Variants in FMN2 observed in about 807,000 individuals in gnomAD.
FMN2 encodes formin-2.
FMN2 carries 51 observed loss-of-function variants against 142.3 expected under a neutral mutation model. The ratio of observed to expected loss-of-function variants is 0.36; its 90% CI spans 0.29 to 0.45. The LOEUF is 0.45. Ranked by LOEUF, FMN2 falls within the 20% of genes least tolerant of loss-of-function variation. FMN2 has a pLI of 1.00. For synonymous variants in FMN2, 882 were observed against 869.8 expected, an observed-to-expected ratio of 1.01 and a Z score of -0.25; for missense variants, 1,936 against 2,122.8, an observed-to-expected ratio of 0.91 and a Z score of 1.73.
intron 2 of FMN2, chr1:240,170,950 G>T (rs1664678261): frequency 1.3e-6 from 1 of 787,352 alleles, no homozygotes; most frequent in Non-Finnish European, 2.3e-6. Flanking sequence ...GACTGATGGA[G>T]GAGTGGACTA....
intron 13 of FMN2, among the ~76,000 whole-genome samples, chr1:240,351,898 A>G (rs778526573): frequency 2.0e-5 from 3 of 150,084 alleles, no homozygotes; most frequent in Non-Finnish European, 3.0e-5. Context: ...ATGGATGTGT[A>G]TGATATCATG....
intron 3 of FMN2, 108 bp from the exon 4 acceptor site, chr1:240,188,099 T>C (rs1384472707): frequency 7.0e-6 from 7 of 998,826 alleles, no homozygotes; most frequent in Non-Finnish European, 1.1e-5. Context: ...GGATATTTTT[T>C]GGTACTTATG....
intron 3 of FMN2, among the ~76,000 whole-genome samples, chr1:240,184,457 C>T (rs539220467): frequency 6.7e-6 from 1 of 149,430 alleles, no homozygotes; most frequent in African/African-American, 2.5e-5. Flanking sequence ...ACCTTGTGAT[C>T]TGCCCGCCTC....
At chr1:240,317,831 T>C (rs1670843282) in intron 8 of FMN2, among the ~76,000 whole-genome samples, 1 of 152,218 alleles carries the variant, frequency 6.6e-6, no homozygotes, top group Admixed American at 6.5e-5. Context: ...CAAACTGTTT[T>C]CCAGAATGGT....
intron 16 of FMN2, among the ~76,000 whole-genome samples, chr1:240,440,875 G>C (rs1402866296): frequency 6.6e-6 from 1 of 151,922 alleles, no homozygotes; most frequent in African/African-American, 2.4e-5. Context: ...ACAATTTCTT[G>C]TATAAAAATT....
rs541146765 is a variant in FMN2 at position 240,223,968 on chromosome 1, A to G, written c.4065+12733A>G. The stretch of plus-strand genomic sequence containing the variant: ...CGTTGATTTTTTTGAAGGGCTTTCC[A>G]TGTCTCTATCTCCTTCAGTTCTGCT... On this transcript the variant is annotated intron_variant, in intron 6 of 17. Coordinates refer to ENST00000319653, the MANE Select transcript of FMN2 (RefSeq NM_020066.5). Among the ~76,000 whole-genome samples the G allele has an allele frequency of 3.7e-3, 566 of 152,018 alleles. 5 individuals carry two copies. Among genetic ancestry groups the G allele is most frequent in the African/African-American group, 0.013 (529 of 41,482 alleles).
chr1:240,275,093 T>G (rs1669150458), intron 7 of FMN2, among the ~76,000 whole-genome samples: 1 of 151,274 alleles, frequency 6.6e-6, no homozygotes, highest in African/African-American at 2.4e-5. Context: ...TTTTTTTTTT[T>G]TTGTCTTTTA....
intron 14 of FMN2, among the ~76,000 whole-genome samples, chr1:240,379,042 G>C (rs936142445): frequency 6.6e-6 from 1 of 152,138 alleles, no homozygotes; most frequent in Non-Finnish European, 1.5e-5. Flanking sequence ...ATGTTGTTGG[G>C]TGTGTAGGTT....
chr1:240,113,312 C>T (rs1661887016), intron 1 of FMN2, among the ~76,000 whole-genome samples: 2 of 151,920 alleles, frequency 1.3e-5, no homozygotes, highest in Non-Finnish European at 1.5e-5. Context: ...ACCTGTAATC[C>T]CAGCACTTTG....
In FMN2 at chr1:240,147,653, T is replaced by C. The variant is rs571233900; in HGVS notation, c.1782+24308T>C. ...GAATACAGGTGTGAGCCATTGCACC[T>C]GGCCTTGATTTTTAAAAACCAAGTC... On this transcript the variant is annotated intron_variant, in intron 2 of 17. Coordinates refer to ENST00000319653, the MANE Select transcript of FMN2 (RefSeq NM_020066.5). Among the ~76,000 whole-genome samples, 3 of 152,284 alleles carry C rather than the reference T, an allele frequency of 2.0e-5. No homozygotes were observed. In the South Asian group the frequency reaches 6.2e-4, roughly 32 times the overall value.
intron 2 of FMN2, among the ~76,000 whole-genome samples, chr1:240,130,515 G>A (rs577798341): frequency 7.2e-5 from 11 of 152,190 alleles, no homozygotes; most frequent in Admixed American, 6.5e-4. Context: ...TGTTGGCCAG[G>A]CTGGTCTCTT....
chr1:240,208,823 AT>A (rs1404547997), intron 5 of FMN2, 91 bp downstream of exon 5: 2 of 1,463,490 alleles, frequency 1.4e-6, no homozygotes, highest in Non-Finnish European at 1.8e-6. Context: ...TGTTGAATGT[AT>A]TTTTAAGCAC....
intron 1 of FMN2, 124 bp from the exon 2 acceptor site, chr1:240,123,055 C>G (rs1287469183): frequency 9.7e-7 from 1 of 1,026,826 alleles, no homozygotes; most frequent in Non-Finnish European, 1.4e-6. Context: ...CTCCTTTCTG[C>G]GCTGTCAGTA....
intron 14 of FMN2, among the ~76,000 whole-genome samples, chr1:240,380,428 T>A (rs1673185820): frequency 6.6e-6 from 1 of 152,162 alleles, no homozygotes; most frequent in South Asian, 2.1e-4. Context: ...AAAGGTTTTT[T>A]GAAATGAATG....
intron 1 of FMN2, among the ~76,000 whole-genome samples, chr1:240,094,882 TG>T (rs1245063362): frequency 1.3e-5 from 2 of 152,194 alleles, no homozygotes; most frequent in Non-Finnish European, 2.9e-5. Context: ...CTGGTAATAT[TG>T]GGGTAGCTAC....
chr1:240,348,083 C>T (rs1423831983), intron 13 of FMN2, among the ~76,000 whole-genome samples: 2 of 152,144 alleles, frequency 1.3e-5, no homozygotes, highest in Non-Finnish European at 2.9e-5. Flanking sequence ...ATTGCTGGAT[C>T]GAATGCTAGT....
intron 13 of FMN2, among the ~76,000 whole-genome samples, chr1:240,351,956 A>T (rs1200976455): frequency 6.6e-6 from 1 of 152,240 alleles, no homozygotes; most frequent in East Asian, 1.9e-4. Flanking sequence ...ATAAAAGGAC[A>T]GTTATTACTT....
At chr1:240,198,491 ATAT>A (rs1666005021) in intron 4 of FMN2, among the ~76,000 whole-genome samples, 1 of 152,192 alleles carries the variant, frequency 6.6e-6, no homozygotes, top group African/African-American at 2.4e-5. Context: ...CAGTTCAGAA[ATAT>A]TATAATTTCC....
chr1:240,125,024 T>C (rs919205347), intron 2 of FMN2, among the ~76,000 whole-genome samples: 2 of 152,200 alleles, frequency 1.3e-5, no homozygotes, highest in Admixed American at 1.3e-4. Flanking sequence ...AGTGCTCTCT[T>C]ATCAGCCTTC....
Sources: allele counts gnomAD v4.1 joint callset (sites outside exome capture counted in the v4.1 genomes callset), GRCh38; gene constraint gnomAD v4.1.1; transcripts MANE v1.5; gene names NCBI Gene and HGNC (gene_info 2026-07-23, HGNC 2026-07-21).